RANBP2: variants seen among roughly 807,000 people sequenced by gnomAD.
The protein encoded by RANBP2 is E3 SUMO-protein ligase RanBP2.
In RANBP2, 57 loss-of-function variants were observed where a neutral mutation model predicts 303.6. That is an observed-to-expected ratio of 0.19 (90% CI 0.15 to 0.23). The LOEUF (loss-of-function observed/expected upper bound fraction) is 0.23. Ranked by LOEUF, RANBP2 falls within the 10% of genes least tolerant of loss-of-function variation. RANBP2 has a pLI of 1.00. For missense variants in RANBP2, 3,138 were observed against 3,780.8 expected (o/e 0.83, Z 4.46); for synonymous variants, 1,167 against 1,301.5 (o/e 0.90, Z 2.23).
At chr2:108,871,798 TAA>T in the RANBP2 span, among the ~76,000 whole-genome samples, 1 of 152,244 alleles carries the variant, frequency 6.6e-6, no homozygotes, top group Admixed American at 6.5e-5. Flanking sequence ...TTCTGATTTT[TAA>T]AAGTGATATT....
chr2:109,490,554 G>A, the RANBP2 span: 2 of 1,337,798 alleles, frequency 1.5e-6, no homozygotes, highest in Non-Finnish European at 1.9e-6. Flanking sequence ...TGACAGCAAG[G>A]GCATTGGGAA....
the RANBP2 span, among the ~76,000 whole-genome samples, chr2:109,262,594 AGAAAT>A: frequency 1.3e-5 from 2 of 152,210 alleles, no homozygotes; most frequent in Non-Finnish European, 2.9e-5. Context: ...AAAGAAGCTG[AGAAAT>A]GAAAGAGCAA....
chr2:109,337,682 G>A, the RANBP2 span, among the ~76,000 whole-genome samples: 5 of 151,798 alleles, frequency 3.3e-5, no homozygotes, highest in African/African-American at 2.4e-5. Context: ...AGCATATGCC[G>A]TATGCTACCA....
chr2:109,225,917 C>T, the RANBP2 span, among the ~76,000 whole-genome samples: 1 of 152,192 alleles, frequency 6.6e-6, no homozygotes, highest in South Asian at 2.1e-4. Flanking sequence ...AGTCGCTTTC[C>T]ACCATGCCAG....
At chr2:109,294,335 T>C in the RANBP2 span, among the ~76,000 whole-genome samples, 2 of 152,044 alleles carry the variant, frequency 1.3e-5, no homozygotes, top group African/African-American at 4.8e-5. Flanking sequence ...CCAAGGCTGG[T>C]GGATCGCTTG....
rs190260289 is a variant in RANBP2, at chr2:108,758,345, C to A, written c.2467-68C>A. The A allele has an allele frequency of 3.5e-4, 567 of 1,600,918 alleles. 4 individuals are homozygous for A. The African/African-American group carries it at 6.8e-3, about 19-fold the overall frequency. On this transcript the variant is annotated intron_variant, in intron 17 of 28. Transcript: ENST00000283195. ...ATTTAAATTTAAAAGAGTAAGTTTC[C>A]CCAGCACTGTTTCTGTCATGATATA...
At chr2:109,499,320 G>A in the RANBP2 span, among the ~76,000 whole-genome samples, 2 of 152,158 alleles carry the variant, frequency 1.3e-5, no homozygotes, top group Non-Finnish European at 2.9e-5. Context: ...CAGCAAAGTG[G>A]GTGTCTGAGG....
chr2:109,211,648 C>CTT, the RANBP2 span, among the ~76,000 whole-genome samples: 16,507 of 142,488 alleles, frequency 0.12, 1,802 homozygotes, highest in East Asian at 0.34. Flanking sequence ...GCATTTCTTT[C>CTT]TTTTTTTTTT....
the RANBP2 span, among the ~76,000 whole-genome samples, chr2:108,830,545 G>C: frequency 6.6e-6 from 1 of 152,160 alleles, no homozygotes; most frequent in African/African-American, 2.4e-5. Context: ...CATGGCTCAC[G>C]CCTGTAATCC....
At chr2:109,084,351 AAAG>A in the RANBP2 span, among the ~76,000 whole-genome samples, 5 of 152,218 alleles carry the variant, frequency 3.3e-5, no homozygotes, top group South Asian at 2.1e-4. Flanking sequence ...GACGGAGAAC[AAAG>A]AAGACTGATT....
chr2:109,558,373 A>C, the RANBP2 span, among the ~76,000 whole-genome samples: 1 of 152,316 alleles, frequency 6.6e-6, no homozygotes, highest in East Asian at 1.9e-4. Context: ...AACAACTCTA[A>C]ACTACTAAGC....
the RANBP2 span, among the ~76,000 whole-genome samples, chr2:108,805,534 G>C: frequency 2.0e-5 from 3 of 151,042 alleles, no homozygotes; most frequent in South Asian, 6.3e-4. Flanking sequence ...GACCATCCTG[G>C]CTAACACAGT....
intron 17 of RANBP2, among the ~76,000 whole-genome samples, chr2:108,758,182 A>T (rs1317227202): frequency 6.6e-6 from 1 of 151,732 alleles, no homozygotes; most frequent in African/African-American, 2.4e-5. Flanking sequence ...CTGTAATCCG[A>T]GCTACTCAGG....
the RANBP2 span, among the ~76,000 whole-genome samples, chr2:109,257,170 C>T: frequency 6.6e-6 from 1 of 152,208 alleles, no homozygotes; most frequent in Non-Finnish European, 1.5e-5. Flanking sequence ...GAAAAGTGCC[C>T]ACTGGGGCAG....
chr2:108,934,541 T>C, the RANBP2 span, among the ~76,000 whole-genome samples: 1 of 152,208 alleles, frequency 6.6e-6, no homozygotes, highest in African/African-American at 2.4e-5. Flanking sequence ...TAGAACAGAA[T>C]ACCACGGACT....
the RANBP2 span, among the ~76,000 whole-genome samples, chr2:109,190,708 A>T: frequency 3.3e-5 from 5 of 152,014 alleles, no homozygotes; most frequent in East Asian, 1.9e-4. Flanking sequence ...CTTCAAAAAA[A>T]TTTGCTAGGT....
the RANBP2 span, chr2:109,398,701 C>T: frequency 9.2e-5 from 149 of 1,611,946 alleles, 2 homozygotes; most frequent in East Asian, 3.2e-3. Context: ...CAGCGTGGCC[C>T]CAAGTCCCAC....
chr2:109,149,536 C>T, the RANBP2 span, among the ~76,000 whole-genome samples: 2 of 152,168 alleles, frequency 1.3e-5, no homozygotes, highest in African/African-American at 2.4e-5. Flanking sequence ...AAGGGGAATT[C>T]GCTTGTTTGA....
chr2:109,129,033 G>A, the RANBP2 span: 12 of 414,364 alleles, frequency 2.9e-5, no homozygotes, highest in African/African-American at 1.3e-4. Context: ...TCCTCTGGAG[G>A]ACAGCGACTA....
Sources: gnomAD v4.1 joint callset for allele counts (sites outside exome capture counted in the v4.1 genomes callset) on GRCh38, gnomAD v4.1.1 for gene constraint, MANE v1.5 for transcripts, NCBI Gene and HGNC (gene_info 2026-07-23, HGNC 2026-07-21) for gene names.